The following CSMD1 variants were observed in gnomAD, a reference collection of about 807,000 sequenced individuals.
CSMD1 encodes CUB and Sushi multiple domains 1, also known as CUB and sushi domain-containing protein 1.
Under a neutral mutation model 417.5 loss-of-function variants are expected in CSMD1, and 213 were observed. The ratio of observed to expected loss-of-function variants is 0.51; its 90% confidence interval spans 0.46 to 0.57. The LOEUF is 0.57. Ranked by LOEUF, CSMD1 falls within the 20% of genes least tolerant of loss-of-function variation. CSMD1 has a pLI of 0.00. For synonymous variants in CSMD1, 2,862 were observed against 1,736.8 expected (o/e 1.65, Z -16.11); for missense variants, 6,923 against 4,529.7 (o/e 1.53, Z -15.17).
intron 3 of CSMD1, among the ~76,000 whole-genome samples, chr8:4,343,028 A>C (rs141081511): frequency 6.6e-6 from 1 of 152,208 alleles, no homozygotes; most frequent in Non-Finnish European, 1.5e-5. Context: ...TGCCTCCTCC[A>C]ACCCTCATAT....
At chr8:3,169,011 T>C (rs935333314) in intron 37 of CSMD1, among the ~76,000 whole-genome samples, 1 of 152,196 alleles carries the variant, frequency 6.6e-6, no homozygotes, top group Non-Finnish European at 1.5e-5. Context: ...ATCAAGTTTA[T>C]TTAATACATG....
At chr8:4,620,009 G>T (rs1221256790) in intron 2 of CSMD1, among the ~76,000 whole-genome samples, 1 of 151,840 alleles carries the variant, frequency 6.6e-6, no homozygotes, top group Non-Finnish European at 1.5e-5. Context: ...CTTAAGCATT[G>T]ATTTTATATA....
At chr8:3,630,226 G>A (rs917277424) in intron 7 of CSMD1, among the ~76,000 whole-genome samples, 2 of 152,190 alleles carry the variant, frequency 1.3e-5, no homozygotes, top group African/African-American at 2.4e-5. Flanking sequence ...AGCTAGATGG[G>A]GGAGCATCAG....
intron 2 of CSMD1, among the ~76,000 whole-genome samples, chr8:4,535,478 A>G (rs563412076): frequency 1.3e-5 from 2 of 152,244 alleles, no homozygotes; most frequent in East Asian, 3.9e-4. Flanking sequence ...ATTTTGATGA[A>G]GTATATGTGT....
intron 1 of CSMD1, among the ~76,000 whole-genome samples, chr8:4,802,032 C>G (rs1170036303): frequency 6.6e-6 from 1 of 152,140 alleles, no homozygotes; most frequent in Non-Finnish European, 1.5e-5. Context: ...AGACCATTTG[C>G]AAAGGGCATT....
chr8:4,931,086 C>T (rs939119000), intron 1 of CSMD1, among the ~76,000 whole-genome samples: 9 of 152,066 alleles, frequency 5.9e-5, no homozygotes, highest in African/African-American at 1.9e-4. Context: ...GAAATTCAGG[C>T]AATTATATAG....
rs545406318 is a variant in CSMD1 at position 4,556,472 on chromosome 8, A to T, written c.302+80870T>A. 2.6e-5 allele frequency among the ~76,000 whole-genome samples: 4 copies of T among 152,306 alleles called. No homozygotes were observed. In the East Asian group the frequency reaches 7.7e-4, roughly 29 times the overall value. ...ACACTGTGCTCATATTGCTTGCTACAGTCTCATGAGGAAAGTCTCGAGCAG... is the reference window on the plus strand; with the variant it reads ...ACACTGTGCTCATATTGCTTGCTACTGTCTCATGAGGAAAGTCTCGAGCAG... On this transcript the variant is annotated intron_variant, in intron 2 of 69. Transcript: ENST00000635120.
intron 1 of CSMD1, among the ~76,000 whole-genome samples, chr8:4,717,585 T>TCC (rs10630369): frequency 0.033 from 4,462 of 135,858 alleles, 177 homozygotes; most frequent in African/African-American, 0.097. Flanking sequence ...CATCCATCCA[T>TCC]ACATCCATCC....
intron 3 of CSMD1, among the ~76,000 whole-genome samples, chr8:4,099,344 C>T (rs888146392): frequency 1.3e-5 from 2 of 152,096 alleles, no homozygotes; most frequent in Admixed American, 6.6e-5. Context: ...CCATTTTCAA[C>T]ATCTGTTCAG....
At chr8:3,851,804 G>A (rs13254606) in intron 5 of CSMD1, among the ~76,000 whole-genome samples, 20,079 of 152,192 alleles carry the variant, frequency 0.13, 1,385 homozygotes, top group South Asian at 0.17. Flanking sequence ...AGTAGAACAC[G>A]TGGTTCTAAG....
intron 1 of CSMD1, among the ~76,000 whole-genome samples, chr8:4,737,320 C>T (rs1054786742): frequency 6.6e-5 from 10 of 152,010 alleles, no homozygotes; most frequent in Non-Finnish European, 1.5e-4. Context: ...GAACAACACA[C>T]CCTGGGATCT....
chr8:3,915,405 C>CA (rs778981187), intron 5 of CSMD1, among the ~76,000 whole-genome samples: 1,653 of 75,748 alleles, frequency 0.022, 23 homozygotes, highest in South Asian at 0.031. Flanking sequence ...GACTCTGTCT[C>CA]AAAAAAAAAA....
rs1798340365 is a variant in CSMD1 at position 3,223,772 on chromosome 8, C to G, written c.4441G>C (p.Val1481Leu). Residue 1481 changes from valine (V) to leucine (L), a missense_variant, in exon 28 of 70, where the codon GTA becomes CTA. Physicochemically the swap from Val to Leu is conservative, Grantham distance 32 (BLOSUM62 1). Transcript: ENST00000635120. ...YPPGKECDWR[V>L]KVNPDFVIAL... ...ATGACAAAGTCCGGGTTCACTTTTA[C>G]TCTCCAGTCACATTCCTTCCCAGGA... is the stretch of plus-strand genomic sequence containing the variant. 1 of 1,613,808 alleles carries G rather than the reference C, an allele frequency of 6.2e-7. No homozygotes were observed. The highest frequency in any genetic ancestry group is 1.1e-5 in the South Asian group (1 of 91,090).
At chr8:3,394,038 A>T (rs1327421370) in intron 17 of CSMD1, among the ~76,000 whole-genome samples, 66 of 128,894 alleles carry the variant, frequency 5.1e-4, no homozygotes, top group African/African-American at 9.9e-4. Flanking sequence ...ATATATATAT[A>T]TATATATATA....
intron 1 of CSMD1, among the ~76,000 whole-genome samples, chr8:4,731,216 T>C (rs996191637): frequency 6.6e-6 from 1 of 152,164 alleles, no homozygotes; most frequent in Non-Finnish European, 1.5e-5. Flanking sequence ...CGAGAATCAG[T>C]CCTTTCCCAC....
At chr8:3,708,690 T>C (rs142642802) in intron 6 of CSMD1, among the ~76,000 whole-genome samples, 199 bp from the exon 7 acceptor site, 2 of 152,168 alleles carry the variant, frequency 1.3e-5, no homozygotes, top group African/African-American at 2.4e-5. Flanking sequence ...AGCAGCAAGA[T>C]CACATCTTAC....
chr8:4,428,012 A>G (rs1797663932), intron 2 of CSMD1, among the ~76,000 whole-genome samples: 1 of 152,190 alleles, frequency 6.6e-6, no homozygotes, highest in South Asian at 2.1e-4. Context: ...TATTCCAAGT[A>G]GCTACTGTAC....
intron 3 of CSMD1, among the ~76,000 whole-genome samples, chr8:4,194,899 AG>A (rs1799241231): frequency 6.6e-6 from 1 of 152,136 alleles, no homozygotes; most frequent in African/African-American, 2.4e-5. Flanking sequence ...TAGAACTGTT[AG>A]TTCTAATTTA....
chr8:3,465,538 A>G (rs1816749423), intron 12 of CSMD1, among the ~76,000 whole-genome samples: 1 of 152,130 alleles, frequency 6.6e-6, no homozygotes, highest in Admixed American at 6.5e-5. Context: ...AGCATCCTCC[A>G]GGGAGATTTT....
Sources: allele counts gnomAD v4.1 joint callset (sites outside exome capture counted in the v4.1 genomes callset), GRCh38; gene constraint gnomAD v4.1.1; transcripts MANE v1.5; gene names NCBI Gene and HGNC (gene_info 2026-07-23, HGNC 2026-07-21).